RUNDC3A: variants seen among roughly 807,000 people sequenced by gnomAD.
RUNDC3A encodes RUN domain-containing protein 3A.
In RUNDC3A, 28 loss-of-function variants were observed where a neutral mutation model predicts 53.9. That is an observed-to-expected ratio of 0.52 (90% CI 0.38 to 0.71). The LOEUF is 0.71. Ranked by LOEUF, RUNDC3A falls within the 30% of genes least tolerant of loss-of-function variation. RUNDC3A has a pLI of 0.00. For missense variants in RUNDC3A, 491 were observed against 597.3 expected, an observed-to-expected ratio of 0.82 and a Z score of 1.85; for synonymous variants, 232 against 249.4, an observed-to-expected ratio of 0.93 and a Z score of 0.66.
At chr17:44,317,881 G>C (rs1250505718) in intron 10 of RUNDC3A, 1 of 595,350 alleles carries the variant, frequency 1.7e-6, no homozygotes, top group African/African-American at 1.9e-5. Context: ...CGGGGAGACA[G>C]AGACATCAAC....
At position 44,314,995 on chromosome 17, in the gene RUNDC3A, A is replaced by G. The variant is rs1320261033; in HGVS notation, c.615A>G (p.Leu205=). Residue 205 remains leucine, a synonymous_variant, in exon 6 of 11, where the codon CTA becomes CTG. Coordinates refer to ENST00000426726, the MANE Select transcript of RUNDC3A (RefSeq NM_001144825.2). ...TGGTCATCGATTACACGCCCTACCTAAAGTTCACGCAGAGGTGAGCGGCTC... is the reference window on the plus strand; with the variant it reads ...TGGTCATCGATTACACGCCCTACCTGAAGTTCACGCAGAGGTGAGCGGCTC... ...TPVVIDYTPY[L]KFTQSYDYLT... is the part of the protein sequence containing the mutation. 1 of 1,613,726 alleles carries G rather than the reference A, an allele frequency of 6.2e-7. No homozygotes were observed. Among genetic ancestry groups the G allele is most frequent in the African/African-American group, 1.3e-5 (1 of 74,920 alleles).
At position 44,316,657 on chromosome 17, in the gene RUNDC3A, C is replaced by T. The variant is rs1325076486; in HGVS notation, c.1130C>T (p.Ala377Val). 6.4e-7 allele frequency: 1 copy of T among 1,550,816 alleles called. No individual in the cohort carries two copies. Among genetic ancestry groups the T allele is most frequent in the Admixed American group, 2.0e-5 (1 of 51,008 alleles). The change falls in exon 10 of 11, where the codon GCC becomes GTC. Residue 377 changes from alanine to valine, a missense_variant. Transcript: ENST00000426726. ...AGCACGGAGCCGCTGTCAGCTGAAGCCAGTCTGAGCTCGGACTCCCAGCGC... is the reference window on the plus strand; with the variant it reads ...AGCACGGAGCCGCTGTCAGCTGAAGTCAGTCTGAGCTCGGACTCCCAGCGC... ...FMSTEPLSAE[A>V]SLSSDSQRLG...
rs1301473278 is a variant in RUNDC3A at position 44,318,250 on chromosome 17, G to A, written c.*12G>A. The A allele has an allele frequency of 1.3e-6, 2 of 1,546,454 alleles. No homozygotes were observed. Among genetic ancestry groups the A allele is most frequent in the Middle Eastern group, 1.9e-4 (1 of 5,276 alleles). On this transcript the variant is annotated 3_prime_UTR_variant, in exon 11 of 11. Transcript: ENST00000426726. The stretch of plus-strand genomic sequence containing the variant: ...TGAGCCCCAGCTGAGGAACAGCATG[G>A]GCAGTGCCAGCCCCACCTGCCAGGG...
At chr17:44,314,578 T>C (rs2047814294) in intron 4 of RUNDC3A, 157 bp from the exon 5 acceptor site, 2 of 1,441,060 alleles carry the variant, frequency 1.4e-6, no homozygotes, top group Non-Finnish European at 9.1e-7. Context: ...AGCCCCAGGC[T>C]GAAGGGGGAG....
chr17:44,315,682 C>A lies in RUNDC3A; in HGVS notation c.953+73C>A. 1.0e-5 allele frequency: 13 copies of A among 1,254,262 alleles called. No homozygotes were observed. The highest frequency in any genetic ancestry group is 1.3e-5 in the Non-Finnish European group (13 of 964,470). The allele number at this position is 1,254,262 out of a possible 1,614,324, so 77.7% of individuals were successfully genotyped here. A position where few individuals can be genotyped will look rare whatever the true frequency, so the allele number is the denominator to read the frequency against. ...CATCACCGGGTGAACCCCATCTTCA[C>A]TTCCATCGACTCTAACATCACCCGA... is the stretch of plus-strand genomic sequence containing the variant. On this transcript the variant is annotated intron_variant, in intron 8 of 10. Coordinates refer to ENST00000426726, the MANE Select transcript of RUNDC3A (RefSeq NM_001144825.2). The surrounding 1 kb of genome is among the most constrained non-coding windows in gnomAD (Gnocchi z 6.1).
intron 4 of RUNDC3A, chr17:44,313,947 G>A (rs577055454): frequency 2.0e-6 from 2 of 993,218 alleles, no homozygotes; most frequent in Non-Finnish European, 2.4e-6. Context: ...TGGGATTACA[G>A]GCATGAGCCA....
At position 44,313,249 on chromosome 17, in the gene RUNDC3A, C is replaced by T. The variant is rs1296346005; in HGVS notation, c.369C>T (p.Ala123=). ...TGGAGAACATCAGCACAGCCCGGGC[C>T]AAGGTGAGGGGCCTGAAGCAAGCAA... is the stretch of plus-strand genomic sequence containing the variant. ...ENMENISTAR[A]KGRAWIRVAL... The change falls in exon 3 of 11, where the codon GCC becomes GCT. Residue 123 remains alanine (A), a synonymous_variant. Coordinates refer to ENST00000426726, the MANE Select transcript of RUNDC3A (RefSeq NM_001144825.2). 6.2e-7 allele frequency: 1 copy of T among 1,613,792 alleles called. No individual in the cohort carries two copies. The highest frequency in any genetic ancestry group is 8.5e-7 in the Non-Finnish European group (1 of 1,179,862).
rs1196393226 is a variant in RUNDC3A at position 44,315,574 on chromosome 17, G to A, written c.918G>A (p.Glu306=). 6 of 1,510,618 alleles carry A rather than the reference G, an allele frequency of 4.0e-6. No homozygotes were observed. The South Asian group carries it at 6.3e-5, about 16-fold the overall frequency. The allele number at this position is 1,510,618 out of a possible 1,614,324, so 93.6% of individuals were successfully genotyped here. A position where few individuals can be genotyped will look rare whatever the true frequency, so the allele number is the denominator to read the frequency against. The change falls in exon 8 of 11, where the codon GAG becomes GAA. Residue 306 remains glutamate, a synonymous_variant. Transcript: ENST00000426726. This position sits in a 1 kb window ranked among gnomAD's most constrained non-coding sequence, Gnocchi z 6.1. ...AAAQNQREKR[E]LEGVILELQE... is the part of the protein sequence containing the mutation. ...CGCAGAACCAGCGCGAGAAACGGGA[G>A]CTGGAAGGCGTGATCCTGGAGCTGC...
Position 44,318,592 on chromosome 17 carries a change from A to G in RUNDC3A, c.*354A>G, listed in dbSNP as rs1366708765. On this transcript the variant is annotated 3_prime_UTR_variant, in exon 11 of 11. Coordinates refer to ENST00000426726, the MANE Select transcript of RUNDC3A (RefSeq NM_001144825.2). ...CCACCTCCCAGTCTCTAGCCTCTCC[A>G]TCTGTCTGTGTATGGCCTGGAGTCA... 13 of 266,108 alleles carry G rather than the reference A, an allele frequency of 4.9e-5. No homozygotes were observed. The highest frequency in any genetic ancestry group is 4.1e-4 in the Admixed American group (9 of 21,938). The allele number at this position is 266,108 out of a possible 1,614,324, so 16.5% of individuals were successfully genotyped here.
At position 44,316,607 on chromosome 17, in the gene RUNDC3A, G is replaced by T; in HGVS notation, c.1092-12G>T. On this transcript the variant is annotated splice_polypyrimidine_tract_variant and intron_variant, in intron 9 of 10. Coordinates refer to ENST00000426726, the MANE Select transcript of RUNDC3A (RefSeq NM_001144825.2). ...TTCCTCTACCGGCGCACCAGCTCTCGCTCTGCCGCAGACACAGCTTCATGA... is the reference window on the plus strand; with the variant it reads ...TTCCTCTACCGGCGCACCAGCTCTCTCTCTGCCGCAGACACAGCTTCATGA... The T allele has an allele frequency of 6.4e-7, 1 of 1,553,470 alleles. No individual in the cohort carries two copies. The highest frequency in any genetic ancestry group is 1.2e-5 in the South Asian group (1 of 84,588).
chr17:44,316,787 G>A, intron 10 of RUNDC3A, 62 bp downstream of exon 10: 2 of 1,006,368 alleles, frequency 2.0e-6, no homozygotes, highest in Admixed American at 2.7e-5. Flanking sequence ...AGGCCCTGAG[G>A]CCTCAAGGCA....
chr17:44,317,769 C>T (rs1459711513), intron 10 of RUNDC3A: 14 of 604,428 alleles, frequency 2.3e-5, no homozygotes, highest in African/African-American at 1.9e-5. Flanking sequence ...TCCATGAGGG[C>T]AGGGACCGTG....
Position 44,318,348 on chromosome 17 carries a change from A to T in RUNDC3A, c.*110A>T, listed in dbSNP as rs2047917320. 8 of 1,185,402 alleles carry T rather than the reference A, an allele frequency of 6.7e-6. No homozygotes were observed. The South Asian group carries it at 1.1e-4, about 16-fold the overall frequency. 73.4% of individuals were successfully genotyped at this position (1,185,402 alleles called of 1,614,324 possible). ...GCTACCCTTCCAGAGAACGCTACCC[A>T]CCCAGCCAGGGTTCTCTCGGGGAAG... On this transcript the variant is annotated 3_prime_UTR_variant, in exon 11 of 11. Transcript: ENST00000426726.
chr17:44,313,672 C>G, intron 4 of RUNDC3A, 169 bp downstream of exon 4: 3 of 1,296,694 alleles, frequency 2.3e-6, no homozygotes, highest in Non-Finnish European at 2.9e-6. Context: ...AGTCCCAGGA[C>G]GAACTCTTTT....
chr17:44,308,734 C>T lies in RUNDC3A; in HGVS notation c.-99C>T. The T allele has an allele frequency of 2.7e-6, 2 of 745,996 alleles. No homozygotes were observed. The highest frequency in any genetic ancestry group is 2.0e-5 in the South Asian group (1 of 50,580). The allele number at this position is 745,996 out of a possible 1,614,324, so 46.2% of individuals were successfully genotyped here. ...ATGGCCATGGAAGGGTTGAGGGGCC[C>T]CGTCGGACAGAGGGCCCAGCCGTGA... On this transcript the variant is annotated 5_prime_UTR_variant, in exon 1 of 11. Transcript: ENST00000426726.
chr17:44,317,335 C>T (rs2144699861), intron 10 of RUNDC3A: 1 of 696,428 alleles, frequency 1.4e-6, no homozygotes. Flanking sequence ...AATGTTGTCA[C>T]ATGGTGAGGG....
Position 44,318,384 on chromosome 17 carries a change from C to T in RUNDC3A, c.*146C>T, listed in dbSNP as rs1295143867. ...GTTCTCTCGGGGAAGATCTCGTCTGCTCACCTTAGCTTTCTGCCTTGGCAG... is the reference window on the plus strand; with the variant it reads ...GTTCTCTCGGGGAAGATCTCGTCTGTTCACCTTAGCTTTCTGCCTTGGCAG... On this transcript the variant is annotated 3_prime_UTR_variant, in exon 11 of 11. Coordinates refer to ENST00000426726, the MANE Select transcript of RUNDC3A (RefSeq NM_001144825.2). The T allele has an allele frequency of 6.4e-6, 6 of 939,814 alleles. No homozygotes were observed. In the African/African-American group the frequency reaches 9.9e-5, roughly 15 times the overall value. 58.2% of individuals were successfully genotyped at this position (939,814 alleles called of 1,614,324 possible). A position where few individuals can be genotyped will look rare whatever the true frequency, so the allele number is the denominator to read the frequency against.
rs1285840540 is a variant in RUNDC3A at position 44,317,400 on chromosome 17, A to T, written c.1198+675A>T. 5 of 775,180 alleles carry T rather than the reference A, an allele frequency of 6.5e-6. No individual in the cohort carries two copies. The East Asian group carries it at 9.7e-5, about 15-fold the overall frequency. The allele number at this position is 775,180 out of a possible 1,614,324, so 48.0% of individuals were successfully genotyped here. On this transcript the variant is annotated intron_variant, in intron 10 of 10. Transcript: ENST00000426726. ...TCGGGGGCTCACAAACTCTCGGGGA[A>T]CTCCTTAGACTAATTTGCTCTTATC...
intron 4 of RUNDC3A, 159 bp downstream of exon 4, chr17:44,313,662 A>C (rs1598326627): frequency 7.4e-7 from 1 of 1,355,522 alleles, no homozygotes. Flanking sequence ...CCTGGCCTGC[A>C]GTCCCAGGAC....
Sources: gnomAD v4.1 joint callset for allele counts on GRCh38, gnomAD v4.1.1 for gene constraint, Gnocchi (gnomAD v3.1) non-coding constraint, MANE v1.5 for transcripts, NCBI Gene and HGNC (gene_info 2026-07-23, HGNC 2026-07-21) for gene names.